SLC9B1: variants seen among roughly 807,000 people sequenced by gnomAD.
SLC9B1 encodes the protein sodium/hydrogen exchanger 9B1.
Under a neutral mutation model 51.7 loss-of-function variants are expected in SLC9B1, and 32 were observed. The ratio of observed to expected loss-of-function variants is 0.62; its 90% CI spans 0.47 to 0.83. The LOEUF is 0.83. Among genes scored for constraint, SLC9B1 ranks in the 40% least tolerant of loss-of-function variants. The probability of loss-of-function intolerance (pLI) is 0.00; values close to 1 mark genes in which losing one functional copy is unlikely to be tolerated. For missense variants in SLC9B1, 406 were observed against 613.2 expected, an observed-to-expected ratio of 0.66 and a Z score of 3.57; for synonymous variants, 145 against 212.7, an observed-to-expected ratio of 0.68 and a Z score of 2.77.
intron 1 of SLC9B1, among the ~76,000 whole-genome samples, chr4:103,012,875 G>A (rs1184817557): frequency 6.6e-6 from 1 of 152,080 alleles, no homozygotes; most frequent in Non-Finnish European, 1.5e-5. Flanking sequence ...GCTGTCCCCA[G>A]GCCTCTTGTA....
At chr4:102,939,406 CAAAA>C (rs56014819) in intron 6 of SLC9B1, among the ~76,000 whole-genome samples, 2,071 of 64,268 alleles carry the variant, frequency 0.032, no homozygotes, top group Middle Eastern at 0.11. Flanking sequence ...GTCTCTGAGC[CAAAA>C]AAAAAAAAAA....
At chr4:102,924,723 C>CAA (rs1736069313) in intron 7 of SLC9B1, among the ~76,000 whole-genome samples, 1 of 152,066 alleles carries the variant, frequency 6.6e-6, no homozygotes. Context: ...AAAAATCAAA[C>CAA]CCCATCAAAA....
At chr4:102,888,590 CCTA>C (rs1453474869) in intron 11 of SLC9B1, 1 of 152,252 alleles carries the variant, frequency 6.6e-6, no homozygotes, top group Admixed American at 6.5e-5. Context: ...GCTTTTTAAT[CCTA>C]CTATTATGAA....
chr4:103,002,142 C>A (rs1449992062), intron 1 of SLC9B1, among the ~76,000 whole-genome samples: 1 of 152,172 alleles, frequency 6.6e-6, no homozygotes, highest in Admixed American at 6.5e-5. Flanking sequence ...AGGTCTCTCC[C>A]TCAACACGTG....
At chr4:102,923,843 T>C (rs1189248741) in intron 7 of SLC9B1, among the ~76,000 whole-genome samples, 4 of 152,068 alleles carry the variant, frequency 2.6e-5, no homozygotes, top group Non-Finnish European at 4.4e-5. Flanking sequence ...GGAATCCAAC[T>C]TACAAGGGAA....
At chr4:103,004,386 G>C (rs1740679308) in intron 1 of SLC9B1, among the ~76,000 whole-genome samples, 1 of 151,734 alleles carries the variant, frequency 6.6e-6, no homozygotes, top group South Asian at 2.1e-4. Flanking sequence ...CAAAAATAAA[G>C]AAAAAAGAAC....
chr4:102,921,018 C>G (rs994923514), intron 7 of SLC9B1, among the ~76,000 whole-genome samples: 1 of 152,200 alleles, frequency 6.6e-6, no homozygotes, highest in African/African-American at 2.4e-5. Flanking sequence ...CTTCCCCAAC[C>G]TAGCAAGGCA....
At chr4:102,998,308 C>T (rs1030319544) in intron 1 of SLC9B1, among the ~76,000 whole-genome samples, 17 of 152,084 alleles carry the variant, frequency 1.1e-4, no homozygotes, top group Admixed American at 1.0e-3. Flanking sequence ...CTTATCATGC[C>T]TTCAAAATTC....
At chr4:102,887,013 T>G (rs1295461822) in intron 11 of SLC9B1, among the ~76,000 whole-genome samples, 2 of 152,226 alleles carry the variant, frequency 1.3e-5, no homozygotes, top group Non-Finnish European at 2.9e-5. Flanking sequence ...TGTTTTAAAA[T>G]TAAGCAATAG....
chr4:102,990,551 T>A (rs2110518402), intron 2 of SLC9B1, among the ~76,000 whole-genome samples: 1 of 152,048 alleles, frequency 6.6e-6, no homozygotes, highest in East Asian at 1.9e-4. Flanking sequence ...ATTGAGAAAC[T>A]TCTTCCAATG....
At chr4:102,920,958 G>C (rs1348245197) in intron 7 of SLC9B1, among the ~76,000 whole-genome samples, 1 of 152,186 alleles carries the variant, frequency 6.6e-6, no homozygotes, top group Non-Finnish European at 1.5e-5. Context: ...AAGTGATGAG[G>C]AGAATGGAAC....
At chr4:102,980,816 T>A (rs1739314345) in intron 3 of SLC9B1, among the ~76,000 whole-genome samples, 1 of 152,194 alleles carries the variant, frequency 6.6e-6, no homozygotes. Context: ...GTGGTCCATT[T>A]GTTAGAATTG....
chr4:102,937,884 T>C (rs925939544), intron 6 of SLC9B1, among the ~76,000 whole-genome samples: 4 of 152,130 alleles, frequency 2.6e-5, no homozygotes, highest in Admixed American at 2.6e-4. Context: ...GAGTGCTAAG[T>C]GTGGAAGTGA....
chr4:102,987,983 C>T (rs1739738152), intron 3 of SLC9B1, among the ~76,000 whole-genome samples: 1 of 152,106 alleles, frequency 6.6e-6, no homozygotes, highest in Non-Finnish European at 1.5e-5. Context: ...CTTCTAATCT[C>T]CTTACGTGTA....
chr4:102,996,296 T>C (rs956611934), intron 1 of SLC9B1, among the ~76,000 whole-genome samples: 1 of 152,206 alleles, frequency 6.6e-6, no homozygotes, highest in Non-Finnish European at 1.5e-5. Context: ...GTAAATCTTT[T>C]ATTGGATATA....
chr4:102,980,791 A>G (rs1156875613), intron 3 of SLC9B1, among the ~76,000 whole-genome samples: 1 of 152,166 alleles, frequency 6.6e-6, no homozygotes, highest in Non-Finnish European at 1.5e-5. Context: ...TCTATGACCA[A>G]CATTCCACAC....
chr4:102,917,521 C>A (rs1449578643), intron 7 of SLC9B1, among the ~76,000 whole-genome samples: 1 of 151,338 alleles, frequency 6.6e-6, no homozygotes, highest in East Asian at 1.9e-4. Context: ...CTCTGGAGAA[C>A]TCTGATTAAT....
intron 11 of SLC9B1, chr4:102,888,054 CTG>C (rs35045951): frequency 0.39 from 56,898 of 147,696 alleles, 10,903 homozygotes; most frequent in African/African-American, 0.51. Context: ...AGGCTTGTGT[CTG>C]TGTGTGTGTG....
intron 7 of SLC9B1, among the ~76,000 whole-genome samples, chr4:102,917,277 C>T (rs929978405): frequency 6.6e-6 from 1 of 152,154 alleles, no homozygotes. Flanking sequence ...AGCCATGTCA[C>T]TGGCTTCCTT....
Sources: gnomAD v4.1 joint callset for allele counts (sites outside exome capture counted in the v4.1 genomes callset) on GRCh38, gnomAD v4.1.1 for gene constraint, MANE v1.5 for transcripts, NCBI Gene and HGNC (gene_info 2026-07-23, HGNC 2026-07-21) for gene names.